The following NRCAM variants were observed in gnomAD, a reference collection of about 807,000 sequenced individuals.
The protein encoded by NRCAM is NgCAM-related cell adhesion molecule.
A neutral mutation model predicts 156.5 loss-of-function variants in NRCAM; 83 were observed. The observed-to-expected ratio is 0.53, with a 90% CI of 0.44 to 0.64. NRCAM has a LOEUF of 0.64. Ranked by LOEUF, NRCAM falls within the 30% of genes least tolerant of loss-of-function variation. The pLI, the probability that NRCAM is intolerant of heterozygous loss-of-function variation, is 0.00. For synonymous variants in NRCAM, 538 were observed against 563.9 expected (o/e 0.95, Z 0.65); for missense variants, 1,417 against 1,597.3 (o/e 0.89, Z 1.92).
Position 108,184,436 on chromosome 7 carries a change from C to A in NRCAM, c.2214G>T (p.Gln738His). ...GKSLPSEASE[Q>H]YLTKASEPDK... ...CTTTACCTGAGGCTTTCGTCAAATA[C>A]TGCTCAGACGCCTCGCTGGGCAAGC... The change falls in exon 21 of 33, where the codon CAG (glutamine) becomes CAT (histidine). Residue 738 changes from glutamine to histidine, a missense_variant. Around this residue, in one of 2 missense-constraint regions of NRCAM, gnomAD observed 1,238 missense variants for 1,336.4 expected, o/e 0.93. Transcript: ENST00000379028. The A allele has an allele frequency of 6.2e-7, 1 of 1,614,176 alleles. No homozygotes were observed. Among genetic ancestry groups the A allele is most frequent in the Non-Finnish European group, 8.5e-7 (1 of 1,180,038 alleles).
chr7:108,207,110 C>G (rs1177900226), intron 13 of NRCAM: 1 of 156,538 alleles, frequency 6.4e-6, no homozygotes, highest in Non-Finnish European at 1.4e-5. Flanking sequence ...ATTAAGACAG[C>G]TGGGTTTCTT....
At chr7:108,204,575 G>A (rs1440822757) in intron 13 of NRCAM, among the ~76,000 whole-genome samples, 3 of 152,216 alleles carry the variant, frequency 2.0e-5, no homozygotes, top group African/African-American at 7.2e-5. Flanking sequence ...TGCAGCACCT[G>A]CTACCAGCAC....
intron 2 of NRCAM, among the ~76,000 whole-genome samples, chr7:108,383,609 C>A (rs1316410174): frequency 1.3e-5 from 2 of 152,168 alleles, no homozygotes; most frequent in African/African-American, 4.8e-5. Context: ...AGATCTAACT[C>A]TTGGCTACTT....
intron 3 of NRCAM, among the ~76,000 whole-genome samples, chr7:108,309,233 A>G (rs987078220): frequency 6.6e-6 from 1 of 152,210 alleles, no homozygotes; most frequent in Admixed American, 6.5e-5. Flanking sequence ...CCTTCATGCT[A>G]TGTCACAATG....
chr7:108,223,078 G>A (rs1458262221), intron 11 of NRCAM, among the ~76,000 whole-genome samples: 4 of 152,138 alleles, frequency 2.6e-5, no homozygotes, highest in Non-Finnish European at 4.4e-5. Flanking sequence ...TCTGAGGCTA[G>A]GATTTAAGAG....
chr7:108,354,872 C>G (rs977274608), intron 2 of NRCAM, among the ~76,000 whole-genome samples: 2 of 150,768 alleles, frequency 1.3e-5, no homozygotes, highest in East Asian at 3.9e-4. Context: ...CCAGCCTGGG[C>G]AACAAGAGCG....
At chr7:108,270,966 G>A (rs1410696652) in intron 3 of NRCAM, among the ~76,000 whole-genome samples, 2 of 152,254 alleles carry the variant, frequency 1.3e-5, no homozygotes, top group East Asian at 3.9e-4. Context: ...CTGGCACAAG[G>A]TGAATACACT....
At chr7:108,451,451 T>C (rs1354576404) in intron 1 of NRCAM, among the ~76,000 whole-genome samples, 1 of 152,232 alleles carries the variant, frequency 6.6e-6, no homozygotes, top group South Asian at 2.1e-4. Context: ...CAGTCTCATT[T>C]CTGGGTATAT....
Position 108,179,160 on chromosome 7 carries a change from T to C in NRCAM, c.2852-1048A>G, listed in dbSNP as rs2062177895. Reference sequence around the variant, plus strand: ...GCCATAAACACTCCCTGGAAAAATATACATTTATCTTGCATACAATTTTAG... The same window carrying C: ...GCCATAAACACTCCCTGGAAAAATACACATTTATCTTGCATACAATTTTAG... On this transcript the variant is annotated intron_variant, in intron 25 of 32. Coordinates refer to ENST00000379028, the MANE Select transcript of NRCAM (RefSeq NM_001037132.4). 3.3e-5 allele frequency among the ~76,000 whole-genome samples: 5 copies of C among 152,166 alleles called. No individual in the cohort carries two copies. The South Asian group carries it at 1.0e-3, about 32-fold the overall frequency.
chr7:108,175,069 T>C (rs561057254), intron 28 of NRCAM, among the ~76,000 whole-genome samples: 163 of 152,326 alleles, frequency 1.1e-3, no homozygotes, highest in Middle Eastern at 3.4e-3. Flanking sequence ...GCCAAAATCA[T>C]AGTATTAGAA....
At chr7:108,261,858 G>C (rs2096900982) in intron 3 of NRCAM, among the ~76,000 whole-genome samples, 1 of 152,128 alleles carries the variant, frequency 6.6e-6, no homozygotes, top group Non-Finnish European at 1.5e-5. Flanking sequence ...GTGCAGGGGA[G>C]TTAGTCTTGT....
At chr7:108,214,496 C>CT (rs140842995) in intron 11 of NRCAM, among the ~76,000 whole-genome samples, 121,245 of 152,036 alleles carry the variant, frequency 0.8, 48,460 homozygotes, top group East Asian at 0.88. Context: ...ACTCTTCTCT[C>CT]TTTCTTCTTT....
intron 1 of NRCAM, among the ~76,000 whole-genome samples, chr7:108,428,931 AATTTT>A (rs1820954634): frequency 3.5e-5 from 1 of 28,296 alleles, no homozygotes; most frequent in Non-Finnish European, 1.3e-4. Context: ...TGTGACCTAA[AATTTT>A]CTTTTCTTTT....
intron 3 of NRCAM, among the ~76,000 whole-genome samples, chr7:108,304,214 T>A (rs1266415141): frequency 6.6e-6 from 1 of 152,248 alleles, no homozygotes; most frequent in African/African-American, 2.4e-5. Context: ...ATTTCTACTC[T>A]TTTTAATTTT....
At chr7:108,189,103 G>A (rs1220707011) in intron 20 of NRCAM, among the ~76,000 whole-genome samples, 1 of 151,962 alleles carries the variant, frequency 6.6e-6, no homozygotes, top group African/African-American at 2.4e-5. Context: ...TGTCACCAAC[G>A]TGAGAAGCTC....
intron 3 of NRCAM, among the ~76,000 whole-genome samples, chr7:108,278,149 T>G (rs1212030323): frequency 6.6e-6 from 1 of 152,188 alleles, no homozygotes; most frequent in Non-Finnish European, 1.5e-5. Flanking sequence ...GAGGTGTTTG[T>G]CAGTCCCTAC....
chr7:108,416,632 G>A (rs1371660286), intron 1 of NRCAM, among the ~76,000 whole-genome samples: 1 of 152,030 alleles, frequency 6.6e-6, no homozygotes, highest in East Asian at 1.9e-4. Context: ...TACCCCCAAG[G>A]AAAAACTTGG....
intron 2 of NRCAM, among the ~76,000 whole-genome samples, chr7:108,340,787 C>T (rs2154269047): frequency 6.6e-6 from 1 of 152,290 alleles, no homozygotes; most frequent in South Asian, 2.1e-4. Flanking sequence ...AGAAAGCATA[C>T]CTCTCTGTCA....
Position 108,159,462 on chromosome 7 carries a change from C to T in NRCAM, c.3677+1G>A. The stretch of plus-strand genomic sequence containing the variant: ...TGAAGAGCAGAGAAGCAGGGGCTCA[C>T]CTGTATTCTCCAAATGTCCCATCAT... On this transcript the variant is annotated splice_donor_variant, in intron 32 of 32. Coordinates refer to ENST00000379028, the MANE Select transcript of NRCAM (RefSeq NM_001037132.4). LOFTEE classifies it high-confidence loss of function. 1 of 1,612,564 alleles carries T rather than the reference C, an allele frequency of 6.2e-7. No individual in the cohort carries two copies. The highest frequency in any genetic ancestry group is 1.3e-5 in the African/African-American group (1 of 74,952).
Sources: gnomAD v4.1 joint callset for allele counts (sites outside exome capture counted in the v4.1 genomes callset) on GRCh38, gnomAD v4.1.1 for gene constraint, gnomAD v4.1.1 regional missense constraint, MANE v1.5 for transcripts, NCBI Gene and HGNC (gene_info 2026-07-23, HGNC 2026-07-21) for gene names.